PDE8A: variants seen among roughly 807,000 people sequenced by gnomAD.
The protein encoded by PDE8A is phosphodiesterase 8A.
PDE8A carries 59 observed loss-of-function variants against 105.0 expected under a neutral mutation model. The ratio of observed to expected loss-of-function variants is 0.56; its 90% confidence interval spans 0.46 to 0.70. The LOEUF is 0.70. Ranked by LOEUF, PDE8A falls within the 30% of genes least tolerant of loss-of-function variation. The pLI is 0.00. For missense variants in PDE8A, 1,014 were observed against 1,045.9 expected, an observed-to-expected ratio of 0.97 and a Z score of 0.42; for synonymous variants, 355 against 371.9, an observed-to-expected ratio of 0.95 and a Z score of 0.52.
At chr15:84,993,303 T>C (rs1045530853) in intron 1 of PDE8A, among the ~76,000 whole-genome samples, 23 of 150,852 alleles carry the variant, frequency 1.5e-4, no homozygotes, top group South Asian at 4.2e-4. Flanking sequence ...ATTAGCCGGG[T>C]GTGGTGGCAG....
At chr15:85,100,278 C>T in intron 11 of PDE8A, 80 bp downstream of exon 11, 2 of 1,253,174 alleles carry the variant, frequency 1.6e-6, no homozygotes, top group South Asian at 2.6e-5. Context: ...AACTAGCTTG[C>T]CTGGTGTAAT....
intron 1 of PDE8A, among the ~76,000 whole-genome samples, chr15:84,993,251 G>C (rs577565909): frequency 1.3e-5 from 2 of 151,638 alleles, no homozygotes; most frequent in South Asian, 2.1e-4. Flanking sequence ...AGACCATCCT[G>C]GCTAACACGG....
At chr15:85,016,237 G>T (rs1048728090) in intron 1 of PDE8A, among the ~76,000 whole-genome samples, 3 of 152,094 alleles carry the variant, frequency 2.0e-5, no homozygotes, top group Non-Finnish European at 4.4e-5. Context: ...AATATCTTCT[G>T]GAGTTTGAGT....
chr15:85,116,001 A>G lies in PDE8A; in HGVS notation c.1417A>G (p.Ser473Gly), dbSNP rs780611651. ...CTTTACAGACACTCAAATGGTTTCAAGCAATATAATCACTCCCATCTCCCT... is the reference window on the plus strand; with the variant it reads ...CTTTACAGACACTCAAATGGTTTCAGGCAATATAATCACTCCCATCTCCCT... The part of the protein sequence containing the change: ...LSTKNTQMVS[S>G]NIITPISLDD... The change falls in exon 16 of 22, where the codon AGC becomes GGC. Residue 473 changes from serine (S) to glycine (G), a missense_variant. Ser to Gly is a moderately conservative substitution (Grantham distance 56). Coordinates refer to ENST00000394553, the MANE Select transcript of PDE8A (RefSeq NM_002605.3). 1.2e-6 allele frequency: 2 copies of G among 1,613,708 alleles called. No homozygotes were observed. Among genetic ancestry groups the G allele is most frequent in the South Asian group, 2.2e-5 (2 of 91,074 alleles).
rs377060035 is a variant in PDE8A, at chr15:85,084,264, T to C, written c.635+620T>C. ...AGAGAATTGGATCATTTCATTTGTA[T>C]GTGCCCAAGACAGTCAAAGGGGATC... On this transcript the variant is annotated intron_variant, in intron 6 of 21. Transcript: ENST00000394553. Among the ~76,000 whole-genome samples the C allele has an allele frequency of 5.0e-4, 76 of 152,314 alleles. 7 individuals carry two copies. Among genetic ancestry groups the C allele is most frequent in the East Asian group, 3.7e-3 (19 of 5,190 alleles).
At chr15:85,122,214 G>C (rs531650852) in intron 18 of PDE8A, among the ~76,000 whole-genome samples, 23 of 152,212 alleles carry the variant, frequency 1.5e-4, no homozygotes, top group African/African-American at 5.1e-4. Flanking sequence ...TTAATGATTT[G>C]TGTAATGTCT....
chr15:85,041,489 AGTC>A (rs1251628063), intron 1 of PDE8A, among the ~76,000 whole-genome samples: 8 of 152,210 alleles, frequency 5.3e-5, no homozygotes, highest in Admixed American at 5.2e-4. Context: ...CCTCTTTGAC[AGTC>A]TGTGCTTTTC....
intron 1 of PDE8A, among the ~76,000 whole-genome samples, chr15:84,984,411 A>C (rs533804822): frequency 6.6e-6 from 1 of 152,350 alleles, no homozygotes; most frequent in African/African-American, 2.4e-5. Flanking sequence ...CATGTTAGAG[A>C]AGGCAAACTG....
At chr15:85,002,056 G>C (rs1056530128) in intron 1 of PDE8A, among the ~76,000 whole-genome samples, 6 of 151,778 alleles carry the variant, frequency 4.0e-5, no homozygotes, top group Non-Finnish European at 7.4e-5. Flanking sequence ...CTCCTGCATT[G>C]GCCTCCTAAA....
chr15:85,099,785 A>AT, intron 9 of PDE8A: 1 of 517,706 alleles, frequency 1.9e-6, no homozygotes, highest in Non-Finnish European at 3.4e-6. Context: ...CTCATGATTA[A>AT]TTGGGAAGAA....
intron 7 of PDE8A, among the ~76,000 whole-genome samples, chr15:85,090,260 T>G (rs1046625079): frequency 1.3e-5 from 2 of 152,190 alleles, no homozygotes; most frequent in Non-Finnish European, 2.9e-5. Context: ...TCTGTGGAAA[T>G]GGAAATAATA....
chr15:84,994,873 A>G lies in PDE8A; in HGVS notation c.186+12525A>G, dbSNP rs371931480. 5.3e-5 allele frequency among the ~76,000 whole-genome samples: 8 copies of G among 152,026 alleles called. No individual in the cohort carries two copies. The East Asian group carries it at 9.7e-4, about 18-fold the overall frequency. On this transcript the variant is annotated intron_variant, in intron 1 of 21. Transcript: ENST00000394553. ...TAGCTACTAGAGGCTGAGGCAGGAG[A>G]ATCGCTTGAACCCAGGAGGCAGAGG...
chr15:85,005,308 T>C (rs1408814941), intron 1 of PDE8A, among the ~76,000 whole-genome samples: 2 of 152,006 alleles, frequency 1.3e-5, no homozygotes, highest in African/African-American at 4.8e-5. Flanking sequence ...TAGAGAAAGG[T>C]TCTCACTATA....
At chr15:85,117,008 C>A (rs939636177) in intron 16 of PDE8A, among the ~76,000 whole-genome samples, 2 of 152,230 alleles carry the variant, frequency 1.3e-5, no homozygotes, top group Middle Eastern at 3.2e-3. Flanking sequence ...ACTGCCTCAA[C>A]ACAGCCAGTT....
chr15:85,115,303 C>T, intron 14 of PDE8A, 136 bp from the exon 15 acceptor site: 1 of 609,984 alleles, frequency 1.6e-6, no homozygotes, highest in Non-Finnish European at 2.9e-6. Flanking sequence ...GGTGGACCTG[C>T]TGGGCCCAGG....
intron 1 of PDE8A, among the ~76,000 whole-genome samples, chr15:85,057,756 A>G (rs1436681338): frequency 6.6e-6 from 1 of 152,078 alleles, no homozygotes. Flanking sequence ...AAGGATATTG[A>G]ATTTTGTTAA....
rs2082056402 is a variant in PDE8A, at chr15:85,113,904, G to A, written c.1217G>A (p.Ser406Asn). ...VINIINAAQESSPMPVTEALD... is the reference protein window; with the variant it reads ...VINIINAAQENSPMPVTEALD... ...AATATTATCAATGCTGCCCAGGAAAGTAGTCCCATGCCTGTGACAGAAGCC... is the reference window on the plus strand; with the variant it reads ...AATATTATCAATGCTGCCCAGGAAAATAGTCCCATGCCTGTGACAGAAGCC... The change falls in exon 14 of 22, where the codon AGT becomes AAT. Residue 406 changes from serine (S) to asparagine (N), a missense_variant. Coordinates refer to ENST00000394553, the MANE Select transcript of PDE8A (RefSeq NM_002605.3). 1 of 1,613,298 alleles carries A rather than the reference G, an allele frequency of 6.2e-7. No homozygotes were observed. The highest frequency in any genetic ancestry group is 1.6e-4 in the Middle Eastern group (1 of 6,062).
At chr15:84,985,064 G>A (rs2079780462) in intron 1 of PDE8A, among the ~76,000 whole-genome samples, 1 of 152,210 alleles carries the variant, frequency 6.6e-6, no homozygotes, top group African/African-American at 2.4e-5. Flanking sequence ...TAATCTGTGA[G>A]TCTCCAAGTG....
rs541493495 is a variant in PDE8A at position 85,020,340 on chromosome 15, A to G, written c.186+37992A>G. Among the ~76,000 whole-genome samples the G allele has an allele frequency of 7.2e-5, 11 of 152,328 alleles. No individual in the cohort carries two copies. The South Asian group carries it at 2.1e-3, about 29-fold the overall frequency. ...CAACAAGGGCCCGGCGCAGTGGCTC[A>G]TGCCTGTAATCCCAGCACTTTGGGA... On this transcript the variant is annotated intron_variant, in intron 1 of 21. Coordinates refer to ENST00000394553, the MANE Select transcript of PDE8A (RefSeq NM_002605.3).
Sources: allele counts gnomAD v4.1 joint callset (sites outside exome capture counted in the v4.1 genomes callset), GRCh38; gene constraint gnomAD v4.1.1; transcripts MANE v1.5; gene names NCBI Gene and HGNC (gene_info 2026-07-23, HGNC 2026-07-21).